The following RNF212B variants were observed in gnomAD, a reference collection of about 807,000 sequenced individuals.
RNF212B encodes E3 ubiquitin-protein ligase RNF212B.
In RNF212B, 52 loss-of-function variants were observed where a neutral mutation model predicts 55.5. The observed-to-expected ratio is 0.94, with a 90% CI of 0.75 to 1.18. RNF212B has a LOEUF of 1.18. Ranked by LOEUF, RNF212B falls within the 50% of genes most tolerant of loss-of-function variation. The pLI is 0.00. For missense variants in RNF212B, 289 were observed against 350.4 expected (o/e 0.82, Z 1.40); for synonymous variants, 99 against 121.4 (o/e 0.82, Z 1.21).
At chr14:23,260,771 G>A in intron 7 of RNF212B, 84 bp downstream of exon 7, 1 of 1,201,158 alleles carries the variant, frequency 8.3e-7, no homozygotes, top group Admixed American at 2.1e-5. Context: ...AACTCTGAGA[G>A]AGAGAAAATG....
chr14:23,255,622 T>G (rs1425213414), intron 4 of RNF212B, among the ~76,000 whole-genome samples: 1 of 152,186 alleles, frequency 6.6e-6, no homozygotes, highest in East Asian at 1.9e-4. Flanking sequence ...AGTAAGTTAT[T>G]GGGAGGCCAA....
intron 2 of RNF212B, among the ~76,000 whole-genome samples, chr14:23,197,816 A>T: frequency 6.8e-6 from 1 of 147,342 alleles, no homozygotes; most frequent in Non-Finnish European, 1.5e-5. Context: ...TGTTTATTTC[A>T]CCTGGGTGCA....
intron 2 of RNF212B, among the ~76,000 whole-genome samples, chr14:23,217,639 A>G (rs960950678): frequency 6.6e-5 from 10 of 152,136 alleles, no homozygotes; most frequent in African/African-American, 2.2e-4. Flanking sequence ...TTGGTAATCC[A>G]TAGAATTCTT....
chr14:23,236,470 GCGCCACTGCA>G (rs751899373), upstream of RNF212B, among the ~76,000 whole-genome samples: 3 of 152,160 alleles, frequency 2.0e-5, no homozygotes, highest in African/African-American at 2.4e-5. Flanking sequence ...AGCCGAGATG[GCGCCACTGCA>G]CTCCAGCCCT....
chr14:23,213,887 AC>A (rs1938123846), intron 2 of RNF212B, among the ~76,000 whole-genome samples: 1 of 152,224 alleles, frequency 6.6e-6, no homozygotes, highest in South Asian at 2.1e-4. Flanking sequence ...AATGGAAAAA[AC>A]CCCAACAGTC....
intron 2 of RNF212B, among the ~76,000 whole-genome samples, chr14:23,240,828 A>G (rs1883515834): frequency 6.6e-6 from 1 of 152,226 alleles, no homozygotes; most frequent in Non-Finnish European, 1.5e-5. Context: ...AGTCTGTGAC[A>G]TCAATTTGAT....
At chr14:23,249,020 A>G (rs1411828147) in intron 4 of RNF212B, among the ~76,000 whole-genome samples, 1 of 152,232 alleles carries the variant, frequency 6.6e-6, no homozygotes, top group Non-Finnish European at 1.5e-5. Flanking sequence ...CATGTAAGCA[A>G]ATGTGTGTAA....
intron 2 of RNF212B, among the ~76,000 whole-genome samples, chr14:23,229,262 A>ATATG (rs1882343233): frequency 1.7e-5 from 2 of 116,146 alleles, no homozygotes; most frequent in African/African-American, 3.4e-5. Flanking sequence ...ATATATATAT[A>ATATG]CCACATTGTT....
chr14:23,214,622 A>C (rs1206608926), intron 2 of RNF212B, among the ~76,000 whole-genome samples: 1 of 138,082 alleles, frequency 7.2e-6, no homozygotes. Flanking sequence ...GGATAGGATC[A>C]ATAACAGAAT....
At chr14:23,226,474 CA>C (rs1566410382) in intron 2 of RNF212B, among the ~76,000 whole-genome samples, 2 of 151,454 alleles carry the variant, frequency 1.3e-5, no homozygotes, top group South Asian at 2.1e-4. Context: ...ACTAAAAATA[CA>C]AAAAAATTAG....
At chr14:23,248,683 G>A (rs917426171) in intron 4 of RNF212B, among the ~76,000 whole-genome samples, 1 of 151,500 alleles carries the variant, frequency 6.6e-6, no homozygotes, top group Non-Finnish European at 1.5e-5. Context: ...CTCGTGATCC[G>A]CCCACCTCAG....
intron 4 of RNF212B, among the ~76,000 whole-genome samples, chr14:23,257,168 A>C (rs1305766776): frequency 6.6e-6 from 1 of 150,998 alleles, no homozygotes; most frequent in African/African-American, 2.5e-5. Context: ...CACAAAAAAA[A>C]TAAAATAAAA....
chr14:23,236,133 A>T (rs756345901), upstream of RNF212B, among the ~76,000 whole-genome samples: 1 of 152,252 alleles, frequency 6.6e-6, no homozygotes, highest in African/African-American at 2.4e-5. Flanking sequence ...TAAGCTACAT[A>T]GCAAGAGATT....
At chr14:23,203,455 C>T (rs889464716) in intron 2 of RNF212B, among the ~76,000 whole-genome samples, 2 of 116,496 alleles carry the variant, frequency 1.7e-5, no homozygotes, top group African/African-American at 2.9e-5. Context: ...ATTGCTGGAT[C>T]GAATGGTAGT....
chr14:23,261,085 C>T (rs547260739), intron 7 of RNF212B, among the ~76,000 whole-genome samples: 85 of 152,278 alleles, frequency 5.6e-4, no homozygotes, highest in African/African-American at 2.0e-3. Flanking sequence ...TGTCCGGTTT[C>T]CATTGGCTGG....
intron 6 of RNF212B, among the ~76,000 whole-genome samples, chr14:23,260,441 T>C (rs531480431): frequency 1.4e-4 from 22 of 152,334 alleles, no homozygotes; most frequent in African/African-American, 4.8e-4. Flanking sequence ...TGTTAGTCTA[T>C]GGGATTCCGT....
intron 2 of RNF212B, among the ~76,000 whole-genome samples, chr14:23,201,785 A>T (rs1879311503): frequency 6.6e-6 from 1 of 152,182 alleles, no homozygotes; most frequent in Non-Finnish European, 1.5e-5. Context: ...AAATAGTGAA[A>T]ACCTTCATTT....
chr14:23,221,443 A>G (rs1566407051), intron 2 of RNF212B, among the ~76,000 whole-genome samples: 1 of 152,216 alleles, frequency 6.6e-6, no homozygotes. Context: ...TGAGAGTGTA[A>G]CAATTGTAAG....
In RNF212B at chr14:23,272,994, T is replaced by C; in HGVS notation, c.*103T>C. The C allele has an allele frequency of 1.5e-6, 1 of 659,906 alleles. No homozygotes were observed. The highest frequency in any genetic ancestry group is 2.0e-5 in the South Asian group (1 of 50,314). The allele number at this position is 659,906 out of a possible 1,614,324, so 40.9% of individuals were successfully genotyped here. A position where few individuals can be genotyped will look rare whatever the true frequency, so the allele number is the denominator to read the frequency against. On this transcript the variant is annotated 3_prime_UTR_variant, in exon 15 of 15. Transcript: ENST00000430154. ...CTGGAAAATGTATCCCTGCATTGTT[T>C]CCTAGTTTCACTCTGTACCTTATGC... is the stretch of plus-strand genomic sequence containing the variant.
Sources: gnomAD v4.1 joint callset for allele counts (sites outside exome capture counted in the v4.1 genomes callset) on GRCh38, gnomAD v4.1.1 for gene constraint, MANE v1.5 for transcripts, NCBI Gene and HGNC (gene_info 2026-07-23, HGNC 2026-07-21) for gene names.